CSMD3: variants seen among roughly 807,000 people sequenced by gnomAD.
The protein encoded by CSMD3 is CUB and Sushi multiple domains 3.
Under a neutral mutation model 435.2 loss-of-function variants are expected in CSMD3, and 177 were observed. That is an observed-to-expected ratio of 0.41 (90% CI 0.36 to 0.46). CSMD3 has a LOEUF of 0.46. Among genes scored for constraint, CSMD3 ranks in the 20% least tolerant of loss-of-function variants. The pLI is 0.34. For synonymous variants in CSMD3, 1,656 were observed against 1,520.5 expected (o/e 1.09, Z -2.07); for missense variants, 4,265 against 4,504.6 (o/e 0.95, Z 1.52).
chr8:113,280,740 G>A (rs1468757499), intron 2 of CSMD3, among the ~76,000 whole-genome samples: 1 of 151,806 alleles, frequency 6.6e-6, no homozygotes, highest in African/African-American at 2.4e-5. Context: ...CTTGAGGTGT[G>A]ACCTTAGAAT....
chr8:112,300,353 A>G (rs1214439394), intron 53 of CSMD3, among the ~76,000 whole-genome samples: 1 of 150,650 alleles, frequency 6.6e-6, no homozygotes, highest in East Asian at 1.9e-4. Context: ...AAGTAAACTA[A>G]GTAATCTGTA....
At chr8:113,139,836 C>A (rs1588141619) in intron 4 of CSMD3, among the ~76,000 whole-genome samples, 1 of 151,014 alleles carries the variant, frequency 6.6e-6, no homozygotes, top group East Asian at 2.0e-4. Flanking sequence ...AACAATATAG[C>A]CATATTAACA....
intron 45 of CSMD3, among the ~76,000 whole-genome samples, chr8:112,326,944 C>T (rs1823571708): frequency 6.6e-6 from 1 of 152,156 alleles, no homozygotes; most frequent in Non-Finnish European, 1.5e-5. Flanking sequence ...ATCACTTGAA[C>T]TCAGGAGACA....
At chr8:112,569,575 C>G (rs897361092) in intron 24 of CSMD3, among the ~76,000 whole-genome samples, 3 of 152,052 alleles carry the variant, frequency 2.0e-5, no homozygotes, top group Non-Finnish European at 4.4e-5. Flanking sequence ...GCAGTTTTAT[C>G]TACCCAAAAC....
At chr8:113,191,470 C>A (rs570248360) in intron 3 of CSMD3, among the ~76,000 whole-genome samples, 1 of 151,294 alleles carries the variant, frequency 6.6e-6, no homozygotes, top group African/African-American at 2.4e-5. Context: ...GTTTGGCTCC[C>A]AATTATAAGT....
At chr8:112,405,213 C>CATATATA (rs1439544983) in intron 35 of CSMD3, among the ~76,000 whole-genome samples, 291 of 17,812 alleles carry the variant, frequency 0.016, 2 homozygotes, top group Non-Finnish European at 0.022. Flanking sequence ...AAAAAAACCC[C>CATATATA]CATATATATA....
intron 6 of CSMD3, among the ~76,000 whole-genome samples, chr8:112,993,198 G>C (rs1398576111): frequency 2.0e-5 from 3 of 151,838 alleles, no homozygotes; most frequent in African/African-American, 7.2e-5. Context: ...CCAAGTGCTG[G>C]GAATGCTAAA....
intron 6 of CSMD3, among the ~76,000 whole-genome samples, chr8:112,999,131 A>C (rs1242720922): frequency 6.6e-6 from 1 of 151,994 alleles, no homozygotes. Context: ...ATAGCAGTGT[A>C]CAAAAGAGTC....
intron 22 of CSMD3, among the ~76,000 whole-genome samples, chr8:112,603,026 T>C (rs990836326): frequency 6.6e-6 from 1 of 152,166 alleles, no homozygotes; most frequent in Non-Finnish European, 1.5e-5. Flanking sequence ...TACAGGAGCA[T>C]GCCACCATGG....
At chr8:113,241,960 TAC>T (rs1028460966) in intron 3 of CSMD3, among the ~76,000 whole-genome samples, 1 of 151,192 alleles carries the variant, frequency 6.6e-6, no homozygotes, top group Admixed American at 6.6e-5. Context: ...TATATATATA[TAC>T]ACACACAATT....
chr8:113,068,757 A>T (rs1448491101), intron 5 of CSMD3, among the ~76,000 whole-genome samples: 1 of 151,890 alleles, frequency 6.6e-6, no homozygotes, highest in Non-Finnish European at 1.5e-5. Context: ...TTGACTGTTG[A>T]TGTTCTTGCT....
chr8:112,774,173 T>A (rs1587251645), intron 13 of CSMD3, among the ~76,000 whole-genome samples: 1 of 152,066 alleles, frequency 6.6e-6, no homozygotes, highest in Non-Finnish European at 1.5e-5. Flanking sequence ...TCCCTGCTCA[T>A]GATTATTCTC....
At chr8:112,832,953 A>C (rs1049486153) in intron 11 of CSMD3, among the ~76,000 whole-genome samples, 3 of 152,100 alleles carry the variant, frequency 2.0e-5, no homozygotes, top group African/African-American at 4.8e-5. Flanking sequence ...AACCCTAAAC[A>C]TATATCACTA....
chr8:113,008,173 T>G (rs963858009), intron 6 of CSMD3, among the ~76,000 whole-genome samples: 4 of 151,860 alleles, frequency 2.6e-5, no homozygotes, highest in Admixed American at 1.3e-4. Context: ...TTTTATATAC[T>G]CCTTTTAAGT....
At chr8:112,691,825 G>C (rs1383914506) in intron 13 of CSMD3, among the ~76,000 whole-genome samples, 2 of 152,068 alleles carry the variant, frequency 1.3e-5, no homozygotes, top group Non-Finnish European at 2.9e-5. Context: ...TTGAGACAGA[G>C]TCTCTTACTC....
At chr8:112,749,327 G>A (rs375642831) in intron 13 of CSMD3, among the ~76,000 whole-genome samples, 8 of 152,118 alleles carry the variant, frequency 5.3e-5, no homozygotes, top group Admixed American at 2.0e-4. Flanking sequence ...TTTGTTGTGC[G>A]CAGGCTCTTA....
At chr8:112,590,460 G>T (rs545948136) in intron 22 of CSMD3, among the ~76,000 whole-genome samples, 1 of 151,984 alleles carries the variant, frequency 6.6e-6, no homozygotes, top group Non-Finnish European at 1.5e-5. Flanking sequence ...GGGAGACAAA[G>T]GAGATAATGA....
chr8:112,959,288 C>T (rs2084144067), intron 7 of CSMD3, among the ~76,000 whole-genome samples: 1 of 151,886 alleles, frequency 6.6e-6, no homozygotes, highest in Non-Finnish European at 1.5e-5. Flanking sequence ...CAGTCTGAAG[C>T]GCTCCTCATT....
At chr8:113,235,150 A>C (rs2093133501) in intron 3 of CSMD3, among the ~76,000 whole-genome samples, 1 of 152,138 alleles carries the variant, frequency 6.6e-6, no homozygotes, top group Non-Finnish European at 1.5e-5. Context: ...GGAATAGTAG[A>C]TACAGCAGTC....
Sources: allele counts gnomAD v4.1 joint callset (sites outside exome capture counted in the v4.1 genomes callset), GRCh38; gene constraint gnomAD v4.1.1; transcripts MANE v1.5; gene names NCBI Gene and HGNC (gene_info 2026-07-23, HGNC 2026-07-21).